Variants in USP36 observed in about 807,000 individuals in gnomAD.
The protein encoded by USP36 is ubiquitin carboxyl-terminal hydrolase 36.
USP36 carries 59 observed loss-of-function variants against 111.5 expected under a neutral mutation model. The observed-to-expected ratio is 0.53, with a 90% CI of 0.43 to 0.66. The LOEUF (loss-of-function observed/expected upper bound fraction) is 0.66. Among genes scored for constraint, USP36 ranks in the 30% least tolerant of loss-of-function variants. USP36 has a pLI of 0.00. For synonymous variants in USP36, 628 were observed against 581.0 expected, an observed-to-expected ratio of 1.08 and a Z score of -1.16; for missense variants, 1,488 against 1,468.0, an observed-to-expected ratio of 1.01 and a Z score of -0.22.
chr17:78,795,552 A>G (rs1034906112), downstream of USP36: 4 of 152,108 alleles, frequency 2.6e-5, no homozygotes, highest in African/African-American at 9.7e-5. The surrounding 1 kb of genome is among the most constrained non-coding windows in gnomAD (Gnocchi z 4.5). Flanking sequence ...TGCCCCTCCT[A>G]GCCCAGCCTC....
At chr17:78,808,694 C>T (rs2093977424) in intron 13 of USP36, among the ~76,000 whole-genome samples, 1 of 152,120 alleles carries the variant, frequency 6.6e-6, no homozygotes, top group African/African-American at 2.4e-5. Flanking sequence ...ATCCTTTACC[C>T]TTCAGAGCAC....
intron 4 of USP36, 73 bp from the exon 5 acceptor site, chr17:78,829,080 A>C: frequency 7.6e-7 from 1 of 1,311,426 alleles, no homozygotes; most frequent in Non-Finnish European, 1.1e-6. Flanking sequence ...CCCCACCCCA[A>C]ACGTTAACAC....
chr17:78,825,145 T>C (rs544855486), intron 6 of USP36, among the ~76,000 whole-genome samples: 3 of 152,046 alleles, frequency 2.0e-5, no homozygotes, highest in Non-Finnish European at 2.9e-5. Flanking sequence ...AGTAGACCCA[T>C]CCATGGACAG....
intron 17 of USP36, among the ~76,000 whole-genome samples, chr17:78,800,193 C>T (rs1333027323): frequency 6.6e-6 from 1 of 151,432 alleles, no homozygotes; most frequent in Non-Finnish European, 1.5e-5. Flanking sequence ...CTCAGTCTGA[C>T]AGAAGGAGAG....
Position 78,799,810 on chromosome 17 carries a change from A to G in USP36, c.3023-42T>C, listed in dbSNP as rs776541145. 3 of 1,498,948 alleles carry G rather than the reference A, an allele frequency of 2.0e-6. No individual in the cohort carries two copies. The South Asian group carries it at 3.8e-5, about 19-fold the overall frequency. 92.9% of individuals were successfully genotyped at this position (1,498,948 alleles called of 1,614,324 possible). A position where few individuals can be genotyped will look rare whatever the true frequency, so the allele number is the denominator to read the frequency against. On this transcript the variant is annotated intron_variant, in intron 17 of 20. Coordinates refer to ENST00000449938, the MANE Select transcript of USP36 (RefSeq NM_001385174.1). ...CAAGAAACATTTACAGACGTTTAAA[A>G]TAACCCACTGGGGAAGCAATCGCAC...
chr17:78,822,994 C>T, intron 6 of USP36: 1 of 397,340 alleles, frequency 2.5e-6, no homozygotes, highest in Non-Finnish European at 4.4e-6. Flanking sequence ...GGGGCTGTTT[C>T]CAGGGCTCTC....
intron 11 of USP36, 26 bp downstream of exon 11, chr17:78,814,386 C>T (rs760465397): frequency 3.7e-6 from 6 of 1,612,716 alleles, no homozygotes; most frequent in South Asian, 1.1e-5. Context: ...TCCCAGGAGG[C>T]AGCTGCACTG....
chr17:78,797,368 T>C lies in USP36; in HGVS notation c.*532A>G, dbSNP rs1004218709. On this transcript the variant is annotated 3_prime_UTR_variant, in exon 21 of 21. Transcript: ENST00000449938. ...GAGGTGGCTGGGTGGGGTCACCTCT[T>C]CCTTTCTGAGGACAGGTAAGGCCAA... is the stretch of plus-strand genomic sequence containing the variant. 4 of 152,140 alleles carry C rather than the reference T, an allele frequency of 2.6e-5. No individual in the cohort carries two copies. The highest frequency in any genetic ancestry group is 9.7e-5 in the African/African-American group (4 of 41,414). The allele number at this position is 152,140 out of a possible 1,614,324, so 9.4% of individuals were successfully genotyped here. A position where few individuals can be genotyped will look rare whatever the true frequency, so the allele number is the denominator to read the frequency against.
intron 5 of USP36, among the ~76,000 whole-genome samples, chr17:78,827,657 C>T (rs1756203958): frequency 6.6e-6 from 1 of 152,192 alleles, no homozygotes; most frequent in Admixed American, 6.5e-5. Context: ...CACTCTAACA[C>T]TTCAGGAGGC....
chr17:78,806,400 A>C, intron 14 of USP36, 114 bp from the exon 15 acceptor site: 1 of 1,435,908 alleles, frequency 7.0e-7, no homozygotes, highest in Non-Finnish European at 9.4e-7. Flanking sequence ...CCCAGAAAAA[A>C]AGATGAGGAG....
At position 78,798,916 on chromosome 17, in the gene USP36, G is replaced by A. The variant is rs2093676722; in HGVS notation, c.3232C>T (p.Arg1078Ter). The A allele has an allele frequency of 1.2e-6, 2 of 1,613,994 alleles. No homozygotes were observed. The highest frequency in any genetic ancestry group is 1.7e-6 in the Non-Finnish European group (2 of 1,180,026). The change falls in exon 19 of 21, where the codon CGA (arginine) becomes TGA (stop). Residue 1078 changes from arginine (R) to a stop codon, truncating the protein, a stop_gained. Coordinates refer to ENST00000449938, the MANE Select transcript of USP36 (RefSeq NM_001385174.1). LOFTEE classifies it high-confidence loss of function. This position sits in a 1 kb window ranked among gnomAD's most constrained non-coding sequence, Gnocchi z 5.1. ...AGCATCACACATCATACCTTCCCTC[G>A]GTCAAACTCTTCGTCCCAGTCATCA... ...VVDDWDEEFD[R>*]GKEKKIKKFK...
At chr17:78,797,987 G>A (rs565465051) in intron 20 of USP36, 108 bp from the exon 21 acceptor site, 2 of 169,518 alleles carry the variant, frequency 1.2e-5, no homozygotes, top group East Asian at 1.6e-4. Context: ...ATGGCATCTC[G>A]ATGCGGCTGG....
Position 78,807,761 on chromosome 17 carries a change from T to A in USP36, c.1408-125A>T, listed in dbSNP as rs961355835. 5 of 974,036 alleles carry A rather than the reference T, an allele frequency of 5.1e-6. No individual in the cohort carries two copies. The East Asian group carries it at 1.4e-4, about 27-fold the overall frequency. The allele number at this position is 974,036 out of a possible 1,614,324, so 60.3% of individuals were successfully genotyped here. A position where few individuals can be genotyped will look rare whatever the true frequency, so the allele number is the denominator to read the frequency against. On this transcript the variant is annotated intron_variant, in intron 13 of 20. Transcript: ENST00000449938. ...CTCTGATTAGCATGCTCAAGATAAA[T>A]TATTTATCTGGACTCTTGGTAAAGA... is the stretch of plus-strand genomic sequence containing the variant.
chr17:78,807,043 G>A lies in USP36; in HGVS notation c.2001C>T (p.Ser667=), dbSNP rs756955437. ...GADSKTVKLK[S]PVLSNTTTEP... is the part of the protein sequence containing the mutation. ...CAGTGGTGGTGTTGCTCAGGACAGG[G>A]GACTTCAGCTTCACCGTCTTAGAAT... The change falls in exon 14 of 21, where the codon TCC becomes TCT. Residue 667 remains serine (S), a synonymous_variant. Transcript: ENST00000449938. 1 of 1,614,218 alleles carries A rather than the reference G, an allele frequency of 6.2e-7. No homozygotes were observed.
chr17:78,820,747 C>T (rs2094299198), intron 8 of USP36, among the ~76,000 whole-genome samples: 1 of 152,206 alleles, frequency 6.6e-6, no homozygotes, highest in Non-Finnish European at 1.5e-5. Context: ...AGCGTTGTTC[C>T]TGTTCATGCT....
Position 78,814,427 on chromosome 17 carries a change from A to G in USP36, c.1149T>C (p.Tyr383=). ...AGCCTCTCACCTTCACGTAGCAGTA[A>G]TAGTGCCCGGCATGGCAGCTGTAGC... is the stretch of plus-strand genomic sequence containing the variant. ...HSGYSCHAGH[Y]YCYVKASNGQ... Residue 383 remains tyrosine (Y), a synonymous_variant, in exon 11 of 21, where the codon TAT becomes TAC. Transcript: ENST00000449938. 6.2e-7 allele frequency: 1 copy of G among 1,614,182 alleles called. No homozygotes were observed.
At chr17:78,793,870 C>T (rs2093602717), downstream of USP36, among the ~76,000 whole-genome samples, 1 of 152,142 alleles carries the variant, frequency 6.6e-6, no homozygotes, top group Admixed American at 6.5e-5. Flanking sequence ...TCACCCACTG[C>T]CTACTTCCCA....
chr17:78,802,554 C>T lies in USP36; in HGVS notation c.2811-19G>A. On this transcript the variant is annotated intron_variant, in intron 16 of 20. Coordinates refer to ENST00000449938, the MANE Select transcript of USP36 (RefSeq NM_001385174.1). ...AGAGCAGCTGCTTGGAAGTGAGAGG[C>T]AGCAGTCAGCTCTGAGCAAATTGGA... The T allele has an allele frequency of 6.3e-7, 1 of 1,595,266 alleles. No individual in the cohort carries two copies.
At chr17:78,791,137 T>TC (rs2144831515), downstream of USP36, among the ~76,000 whole-genome samples, 1 of 110,172 alleles carries the variant, frequency 9.1e-6, no homozygotes, top group East Asian at 2.2e-4. Flanking sequence ...TTCTTTTTTT[T>TC]TTTTTTTTTT....
Sources: gnomAD v4.1 joint callset for allele counts (sites outside exome capture counted in the v4.1 genomes callset) on GRCh38, gnomAD v4.1.1 for gene constraint, Gnocchi (gnomAD v3.1) non-coding constraint, MANE v1.5 for transcripts, NCBI Gene and HGNC (gene_info 2026-07-23, HGNC 2026-07-21) for gene names.